The following PISD variants were observed in gnomAD, a reference collection of about 807,000 sequenced individuals.
PISD encodes the protein phosphatidylserine decarboxylase.
PISD carries 31 observed loss-of-function variants against 43.5 expected under a neutral mutation model. The ratio of observed to expected loss-of-function variants is 0.71; its 90% CI spans 0.54 to 0.96. The LOEUF (loss-of-function observed/expected upper bound fraction) is 0.96. Ranked by LOEUF, PISD falls within the 40% of genes least tolerant of loss-of-function variation. PISD has a pLI of 0.00. For missense variants in PISD, 523 were observed against 548.4 expected (o/e 0.95, Z 0.46); for synonymous variants, 259 against 228.7 (o/e 1.13, Z -1.20).
At position 31,637,153 on chromosome 22, in the gene PISD, AAAAAAAAAAAAATATAT is replaced by A. The variant is rs1429387674; in HGVS notation, c.321+10931_321+10947del. On this transcript the variant is annotated intron_variant, in intron 3 of 7. Transcript: ENST00000439502. Reference sequence around the variant, plus strand: ...TAATAATAAATAAATTAAAAAAAAAAAAAAAAAAAAAATATATATATATATATATATATATATATATA... The same window carrying A: ...TAATAATAAATAAATTAAAAAAAAAAATATATATATATATATATATATATA... Among the ~76,000 whole-genome samples, 221 of 33,394 alleles carry A rather than the reference AAAAAAAAAAAAATATAT, an allele frequency of 6.6e-3. 1 individual carries two copies. The highest frequency in any genetic ancestry group is 8.9e-3 in the Non-Finnish European group (154 of 17,384). The allele number at this position is 33,394 out of a possible 152,430, so 21.9% of individuals were successfully genotyped here.
At chr22:31,638,519 G>A (rs1196947795) in intron 3 of PISD, 16 of 985,468 alleles carry the variant, frequency 1.6e-5, no homozygotes, top group African/African-American at 8.7e-5. Flanking sequence ...CGGCAGAGAG[G>A]AAATGACACA....
intron 1 of PISD, among the ~76,000 whole-genome samples, chr22:31,659,585 G>A (rs1484095664): frequency 6.6e-6 from 1 of 152,002 alleles, no homozygotes; most frequent in Non-Finnish European, 1.5e-5. Context: ...TAGGATGGGG[G>A]CATATCTGGA....
intron 1 of PISD, among the ~76,000 whole-genome samples, chr22:31,654,255 G>A (rs1003077615): frequency 2.0e-5 from 3 of 152,152 alleles, no homozygotes; most frequent in Admixed American, 6.6e-5. Flanking sequence ...TTTTGGGACC[G>A]TGATTTTTTT....
intron 3 of PISD, among the ~76,000 whole-genome samples, chr22:31,623,223 G>A (rs2072680705): frequency 6.6e-6 from 1 of 152,216 alleles, no homozygotes; most frequent in Middle Eastern, 3.2e-3. Flanking sequence ...CCTGGGGCAT[G>A]CCTCTGGGTT....
rs139088204 is a variant in PISD, at chr22:31,641,715, G to A, written c.321+6386C>T. The stretch of plus-strand genomic sequence containing the variant: ...CAAGCCTGTAATCCCAGCTACTCGG[G>A]AGGCTGAGGCAGGAGAACTGCTTGA... On this transcript the variant is annotated intron_variant, in intron 3 of 7. Coordinates refer to ENST00000439502, the MANE Select transcript of PISD (RefSeq NM_001326411.2). Among the ~76,000 whole-genome samples the A allele has an allele frequency of 4.4e-3, 658 of 151,156 alleles. 41 individuals carry two copies. Among genetic ancestry groups the A allele is most frequent in the African/African-American group, 0.016 (628 of 40,486 alleles).
chr22:31,653,828 C>T (rs371979427), intron 1 of PISD, among the ~76,000 whole-genome samples: 1 of 152,106 alleles, frequency 6.6e-6, no homozygotes, highest in Admixed American at 6.6e-5. Context: ...ACTAAAAATA[C>T]AAAAATTAGC....
At chr22:31,627,997 C>T (rs1213143466) in intron 3 of PISD, 9 of 983,752 alleles carry the variant, frequency 9.1e-6, no homozygotes, top group African/African-American at 1.7e-5. Flanking sequence ...GGCTGGGGCA[C>T]CGCACCTGCC....
Position 31,620,584 on chromosome 22 carries a change from T to G in PISD, c.974A>C (p.Asn325Thr), listed in dbSNP as rs537684837. Residue 325 changes from asparagine (N) to threonine (T), a missense_variant, in exon 7 of 8, where the codon AAC (asparagine) becomes ACC (threonine). Transcript: ENST00000439502. The part of the protein sequence containing the change: ...FFSLTAVGAT[N>T]VGSIRIYFDR... ...AAAGTAGATGCGAATGGAGCCCACGTTGGTGGCCCCCACAGCTGTCAGTGA... is the reference window on the plus strand; with the variant it reads ...AAAGTAGATGCGAATGGAGCCCACGGTGGTGGCCCCCACAGCTGTCAGTGA... 1 of 1,614,202 alleles carries G rather than the reference T, an allele frequency of 6.2e-7. No individual in the cohort carries two copies. Among genetic ancestry groups the G allele is most frequent in the Non-Finnish European group, 8.5e-7 (1 of 1,180,042 alleles).
chr22:31,638,666 T>C (rs1045667678), intron 3 of PISD: 13 of 980,402 alleles, frequency 1.3e-5, no homozygotes, highest in African/African-American at 1.8e-5. Context: ...GGTTTTTTCT[T>C]TGTAGAGGCA....
At chr22:31,654,692 A>C (rs2074118649) in intron 1 of PISD, among the ~76,000 whole-genome samples, 1 of 152,164 alleles carries the variant, frequency 6.6e-6, no homozygotes, top group Non-Finnish European at 1.5e-5. Context: ...AAATCTGAGG[A>C]TCATTCGGGC....
intron 2 of PISD, among the ~76,000 whole-genome samples, chr22:31,648,584 G>A (rs1473413773): frequency 6.6e-6 from 1 of 151,462 alleles, no homozygotes; most frequent in African/African-American, 2.4e-5. Context: ...GCAGAATGGC[G>A]TGAACCTGGG....
intron 3 of PISD, chr22:31,625,596 C>T (rs1296869218): frequency 5.2e-6 from 4 of 774,716 alleles, no homozygotes; most frequent in Non-Finnish European, 6.2e-6. Context: ...GCGGGCTCTC[C>T]GACTCAGGGT....
rs957424152 is a variant in PISD at position 31,619,565 on chromosome 22, C to A, written c.*47G>T. Reference sequence around the variant, plus strand: ...GGCCTCCCTCTTGAAAAGACCCTCACTCTGTTTGGAAAAGATCCCTTAGCA... The same window carrying A: ...GGCCTCCCTCTTGAAAAGACCCTCAATCTGTTTGGAAAAGATCCCTTAGCA... On this transcript the variant is annotated 3_prime_UTR_variant, in exon 8 of 8. Transcript: ENST00000439502. 9.2e-6 allele frequency: 14 copies of A among 1,521,336 alleles called. No individual in the cohort carries two copies. Among genetic ancestry groups the A allele is most frequent in the Non-Finnish European group, 1.3e-5 (14 of 1,098,362 alleles). The allele number at this position is 1,521,336 out of a possible 1,614,324, so 94.2% of individuals were successfully genotyped here.
At chr22:31,655,128 T>TTGCTTG (rs930124743) in intron 1 of PISD, among the ~76,000 whole-genome samples, 31 of 147,710 alleles carry the variant, frequency 2.1e-4, no homozygotes, top group African/African-American at 7.5e-4. Context: ...TCCCTGAACA[T>TTGCTTG]TGCTTGGAGA....
At chr22:31,656,789 C>T (rs1289015749) in intron 1 of PISD, among the ~76,000 whole-genome samples, 1 of 152,086 alleles carries the variant, frequency 6.6e-6, no homozygotes, top group Admixed American at 6.6e-5. Flanking sequence ...TTGTCCACAC[C>T]ACATGTGCCC....
At chr22:31,648,925 T>C (rs2073959694) in intron 2 of PISD, among the ~76,000 whole-genome samples, 1 of 152,094 alleles carries the variant, frequency 6.6e-6, no homozygotes, top group African/African-American at 2.4e-5. Flanking sequence ...CACCAACAGG[T>C]CCAGAACTTG....
chr22:31,623,923 C>T, intron 3 of PISD: 1 of 1,399,860 alleles, frequency 7.1e-7, no homozygotes. Context: ...CTGCCACCTG[C>T]ACCCAGGGCA....
chr22:31,637,178 T>A (rs1469047465), intron 3 of PISD, among the ~76,000 whole-genome samples: 3 of 51,240 alleles, frequency 5.9e-5, no homozygotes, highest in African/African-American at 1.0e-4. Flanking sequence ...TATATATATA[T>A]ATATATATAT....
chr22:31,638,920 A>T (rs2073604049), intron 3 of PISD, among the ~76,000 whole-genome samples: 1 of 144,668 alleles, frequency 6.9e-6, no homozygotes, highest in Non-Finnish European at 1.5e-5. Flanking sequence ...TGAGCCTGGG[A>T]GGTCGAGGCC....
Sources: gnomAD v4.1 joint callset for allele counts (sites outside exome capture counted in the v4.1 genomes callset) on GRCh38, gnomAD v4.1.1 for gene constraint, MANE v1.5 for transcripts, NCBI Gene and HGNC (gene_info 2026-07-23, HGNC 2026-07-21) for gene names.